The following LRRTM4 variants were observed in gnomAD, a reference collection of about 807,000 sequenced individuals.
LRRTM4 encodes leucine-rich repeat transmembrane neuronal protein 4.
In LRRTM4, 25 loss-of-function variants were observed where a neutral mutation model predicts 47.6. That is an observed-to-expected ratio of 0.53 (90% CI 0.38 to 0.73). The LOEUF is 0.73. Among genes scored for constraint, LRRTM4 ranks in the 30% least tolerant of loss-of-function variants. The probability of loss-of-function intolerance (pLI) is 0.00; values close to 1 mark genes in which losing one functional copy is unlikely to be tolerated. For synonymous variants in LRRTM4, 311 were observed against 269.5 expected (o/e 1.15, Z -1.51); for missense variants, 638 against 713.4 (o/e 0.89, Z 1.20).
chr2:76,837,566 T>A (rs1056988185), intron 3 of LRRTM4, among the ~76,000 whole-genome samples: 8 of 152,078 alleles, frequency 5.3e-5, no homozygotes, highest in Non-Finnish European at 7.4e-5. Context: ...TCCCAGAGAT[T>A]CCAGCCATCC....
chr2:77,049,122 T>TATATATATATATACA (rs34587249), intron 3 of LRRTM4, among the ~76,000 whole-genome samples: 757 of 62,690 alleles, frequency 0.012, 75 homozygotes, highest in African/African-American at 0.062. Context: ...ATTTCATTTT[T>TATATATATATATACA]TATATATATA....
intron 3 of LRRTM4, among the ~76,000 whole-genome samples, chr2:77,033,275 A>C (rs1374016666): frequency 6.6e-6 from 1 of 151,912 alleles, no homozygotes; most frequent in Non-Finnish European, 1.5e-5. Flanking sequence ...CTCTCAAGAA[A>C]GCATTGAATT....
At chr2:77,087,425 G>A (rs1384382494) in intron 3 of LRRTM4, among the ~76,000 whole-genome samples, 1 of 152,164 alleles carries the variant, frequency 6.6e-6, no homozygotes, top group Admixed American at 6.5e-5. Context: ...TGTGGACCAG[G>A]AAAAAATGCC....
In LRRTM4 at chr2:76,901,428, C is replaced by T. The variant is rs145144656; in HGVS notation, c.1552-152512G>A. On this transcript the variant is annotated intron_variant, in intron 3 of 3. Transcript: ENST00000409884. Reference sequence around the variant, plus strand: ...AGTATTCCATGGTCTATATGTACCACATTTTCTTTATCTAGTCTATCATTT... The same window carrying T: ...AGTATTCCATGGTCTATATGTACCATATTTTCTTTATCTAGTCTATCATTT... Among the ~76,000 whole-genome samples the T allele has an allele frequency of 2.3e-3, 349 of 152,184 alleles. 1 individual carries two copies. Among genetic ancestry groups the T allele is most frequent in the African/African-American group, 7.8e-3 (325 of 41,534 alleles).
chr2:76,954,003 G>A (rs536890436), intron 3 of LRRTM4, among the ~76,000 whole-genome samples: 16 of 151,926 alleles, frequency 1.1e-4, no homozygotes, highest in Admixed American at 5.3e-4. Context: ...GAGAAACTAC[G>A]TGCACAAGCC....
At chr2:77,469,536 G>A (rs1677105519) in intron 3 of LRRTM4, among the ~76,000 whole-genome samples, 1 of 152,130 alleles carries the variant, frequency 6.6e-6, no homozygotes, top group Non-Finnish European at 1.5e-5. Context: ...TTGCAATTAT[G>A]CAAATGAGAA....
chr2:76,785,162 T>C (rs944477419), intron 3 of LRRTM4, among the ~76,000 whole-genome samples: 3 of 152,152 alleles, frequency 2.0e-5, no homozygotes, highest in Non-Finnish European at 4.4e-5. Flanking sequence ...AATGCTGCTA[T>C]TGTGTTTGTA....
intron 3 of LRRTM4, among the ~76,000 whole-genome samples, chr2:76,779,876 G>A (rs1674261447): frequency 1.3e-5 from 2 of 151,850 alleles, no homozygotes; most frequent in Non-Finnish European, 2.9e-5. Context: ...TTACATTTTG[G>A]CATGATTTTG....
chr2:76,855,162 A>G lies in LRRTM4; in HGVS notation c.1552-106246T>C, dbSNP rs577424724. On this transcript the variant is annotated intron_variant, in intron 3 of 3. Transcript: ENST00000409884. ...TGCTCAGGAGCCTGCTTGCGGAGAC[A>G]TCAGGAGCAACGTTAGCAAGAAAAA... Among the ~76,000 whole-genome samples the G allele has an allele frequency of 4.6e-5, 7 of 152,348 alleles. No homozygotes were observed. In the South Asian group the frequency reaches 1.4e-3, roughly 32 times the overall value.
chr2:76,748,503 G>A lies in LRRTM4; in HGVS notation c.*192C>T. On this transcript the variant is annotated 3_prime_UTR_variant, in exon 4 of 4. Coordinates refer to ENST00000409884, the MANE Select transcript of LRRTM4 (RefSeq NM_001134745.3). ...CAAAGAAAGTTCTGCAGTCCTCCCG[G>A]TAATGCTGCAGGTGCATTCGCTGCC... 2 of 589,206 alleles carry A rather than the reference G, an allele frequency of 3.4e-6. No individual in the cohort carries two copies. The highest frequency in any genetic ancestry group is 2.1e-5 in the South Asian group (1 of 47,358). The allele number at this position is 589,206 out of a possible 1,614,324, so 36.5% of individuals were successfully genotyped here.
Position 76,912,140 on chromosome 2 carries a change from C to T in LRRTM4, c.1552-163224G>A, listed in dbSNP as rs529274197. Among the ~76,000 whole-genome samples, 5 of 152,118 alleles carry T rather than the reference C, an allele frequency of 3.3e-5. No homozygotes were observed. In the South Asian group the frequency reaches 1.0e-3, roughly 32 times the overall value. On this transcript the variant is annotated intron_variant, in intron 3 of 3. Transcript: ENST00000409884. ...TTCACCATGTTATCCAGGATGGTCT[C>T]GATCTCCTGACCTTGTGATCCCCCC... is the stretch of plus-strand genomic sequence containing the variant.
chr2:76,747,795 A>C lies in LRRTM4; in HGVS notation c.*900T>G, dbSNP rs2104040688. The C allele has an allele frequency of 6.6e-6, 1 of 152,364 alleles. No homozygotes were observed. The highest frequency in any genetic ancestry group is 2.1e-4 in the South Asian group (1 of 4,828). The allele number at this position is 152,364 out of a possible 1,614,324, so 9.4% of individuals were successfully genotyped here. On this transcript the variant is annotated 3_prime_UTR_variant, in exon 4 of 4. Transcript: ENST00000409884. Reference sequence around the variant, plus strand: ...CTAATTGATAATTAATTTAAAAAGCAATGTTACACATTATCTTGTGTTTAG... The same window carrying C: ...CTAATTGATAATTAATTTAAAAAGCCATGTTACACATTATCTTGTGTTTAG...
At chr2:76,877,444 G>T (rs1000186093) in intron 3 of LRRTM4, among the ~76,000 whole-genome samples, 24 of 151,774 alleles carry the variant, frequency 1.6e-4, no homozygotes, top group African/African-American at 5.8e-4. Flanking sequence ...TAATGGATCA[G>T]CACTTCACAA....
At chr2:76,918,055 G>A (rs962154063) in intron 3 of LRRTM4, among the ~76,000 whole-genome samples, 2 of 152,100 alleles carry the variant, frequency 1.3e-5, no homozygotes, top group Non-Finnish European at 2.9e-5. Context: ...GACACCATTT[G>A]ATATTTTAAG....
intron 3 of LRRTM4, among the ~76,000 whole-genome samples, chr2:77,417,733 A>G (rs535633954): frequency 1.3e-5 from 2 of 149,892 alleles, no homozygotes; most frequent in Non-Finnish European, 3.0e-5. Context: ...TGGACACAGG[A>G]AGGGGAACAT....
At chr2:77,430,452 C>T (rs936974561) in intron 3 of LRRTM4, among the ~76,000 whole-genome samples, 7 of 151,836 alleles carry the variant, frequency 4.6e-5, no homozygotes, top group African/African-American at 7.3e-5. Context: ...CCCTGTGCAG[C>T]GGCTCATGGC....
intron 3 of LRRTM4, among the ~76,000 whole-genome samples, chr2:77,041,906 C>G (rs58098139): frequency 0.065 from 8,623 of 132,586 alleles, 541 homozygotes; most frequent in African/African-American, 0.18. Context: ...TATGAAAACA[C>G]AAAAGACCCG....
intron 3 of LRRTM4, among the ~76,000 whole-genome samples, chr2:76,942,384 T>C (rs543357385): frequency 6.6e-6 from 1 of 152,238 alleles, no homozygotes; most frequent in South Asian, 2.1e-4. Context: ...AAGCATAGTA[T>C]GTGCCAGCTG....
intron 3 of LRRTM4, among the ~76,000 whole-genome samples, chr2:76,884,021 T>A (rs1298893983): frequency 6.6e-6 from 1 of 151,686 alleles, no homozygotes; most frequent in African/African-American, 2.4e-5. Flanking sequence ...GGTCTCGCTA[T>A]GTTGTTCAGG....
Sources: gnomAD v4.1 joint callset for allele counts (sites outside exome capture counted in the v4.1 genomes callset) on GRCh38, gnomAD v4.1.1 for gene constraint, MANE v1.5 for transcripts, NCBI Gene and HGNC (gene_info 2026-07-23, HGNC 2026-07-21) for gene names.